Variants in GPT2 observed in about 807,000 individuals in gnomAD.
The protein encoded by GPT2 is alanine aminotransferase 2.
GPT2 carries 30 observed loss-of-function variants against 56.9 expected under a neutral mutation model. The ratio of observed to expected loss-of-function variants is 0.53; its 90% CI spans 0.39 to 0.72. The LOEUF (loss-of-function observed/expected upper bound fraction) is 0.72. Among genes scored for constraint, GPT2 ranks in the 30% least tolerant of loss-of-function variants. GPT2 has a pLI of 0.00. For missense variants in GPT2, 542 were observed against 703.4 expected (o/e 0.77, Z 2.60); for synonymous variants, 271 against 283.1 (o/e 0.96, Z 0.43).
rs114467444 is a variant in GPT2, at chr16:46,900,777, C to T, written c.429C>T (p.Gly143=). ...KRARRILQAC[G]GNSLGSYSAS... is the part of the protein sequence containing the mutation. ...CCCGGCGGATCCTGCAGGCTTGTGGCGGGAACAGCCTGGGTGAGGCCCCAA... is the reference window on the plus strand; with the variant it reads ...CCCGGCGGATCCTGCAGGCTTGTGGTGGGAACAGCCTGGGTGAGGCCCCAA... Residue 143 remains glycine (G), a synonymous_variant, in exon 4 of 12, where the codon GGC becomes GGT. Coordinates refer to ENST00000340124, the MANE Select transcript of GPT2 (RefSeq NM_133443.4). 20,082 of 1,613,788 alleles carry T rather than the reference C, an allele frequency of 0.012. 157 individuals are homozygous for T. Among genetic ancestry groups the T allele is most frequent in the Non-Finnish European group, 0.014 (16,913 of 1,179,740 alleles).
chr16:46,904,826 G>T (rs919298942), intron 4 of GPT2, among the ~76,000 whole-genome samples: 1 of 152,164 alleles, frequency 6.6e-6, no homozygotes, highest in Non-Finnish European at 1.5e-5. Flanking sequence ...TTGGGGGAGG[G>T]CTCTAACACC....
intron 11 of GPT2, among the ~76,000 whole-genome samples, chr16:46,927,651 G>A (rs1961445258): frequency 3.9e-5 from 6 of 152,200 alleles, no homozygotes; most frequent in Admixed American, 3.9e-4. Context: ...TCCTGCGGCA[G>A]ATGCTAAAAA....
At chr16:46,903,231 G>A (rs1960855570) in intron 4 of GPT2, among the ~76,000 whole-genome samples, 1 of 151,872 alleles carries the variant, frequency 6.6e-6, no homozygotes, top group African/African-American at 2.4e-5. Flanking sequence ...CCTGGGTGAT[G>A]AGAGTGAAAC....
At chr16:46,922,776 C>G (rs1401046532) in intron 9 of GPT2, among the ~76,000 whole-genome samples, 1 of 152,092 alleles carries the variant, frequency 6.6e-6, no homozygotes, top group Non-Finnish European at 1.5e-5. Context: ...CCCAGGCCCC[C>G]ACCCGCCTCT....
chr16:46,898,939 T>TCC (rs1481677659), intron 3 of GPT2, among the ~76,000 whole-genome samples: 55 of 90,866 alleles, frequency 6.1e-4, no homozygotes, highest in Admixed American at 5.6e-3. Flanking sequence ...TGTATATATA[T>TCC]ACACACACAT....
At chr16:46,885,825 G>A (rs1320718277) in intron 2 of GPT2, among the ~76,000 whole-genome samples, 1 of 152,028 alleles carries the variant, frequency 6.6e-6, no homozygotes, top group African/African-American at 2.4e-5. Context: ...AGCCAGGAGG[G>A]GTTATCTTAA....
chr16:46,902,140 A>G (rs1281705314), intron 4 of GPT2, among the ~76,000 whole-genome samples: 1 of 152,156 alleles, frequency 6.6e-6, no homozygotes, highest in Non-Finnish European at 1.5e-5. Context: ...CCTCATCAAC[A>G]GGTTTTTGCA....
chr16:46,898,987 T>TAACAC (rs1460301842), intron 3 of GPT2, among the ~76,000 whole-genome samples: 4 of 133,380 alleles, frequency 3.0e-5, no homozygotes, highest in African/African-American at 1.1e-4. Flanking sequence ...TATATATATA[T>TAACAC]ATATAACACA....
At chr16:46,911,714 G>A (rs1013314142) in intron 6 of GPT2, among the ~76,000 whole-genome samples, 4 of 152,140 alleles carry the variant, frequency 2.6e-5, no homozygotes, top group Admixed American at 6.5e-5. Context: ...TAATTGGGCC[G>A]GGGTATGGTT....
At chr16:46,889,585 C>A (rs913158444) in intron 2 of GPT2, among the ~76,000 whole-genome samples, 1 of 152,158 alleles carries the variant, frequency 6.6e-6, no homozygotes, top group African/African-American at 2.4e-5. Flanking sequence ...GTAGTGCAGG[C>A]TTCCAATAGG....
intron 6 of GPT2, chr16:46,915,758 A>C (rs1251023192): frequency 6.8e-6 from 1 of 146,404 alleles, no homozygotes; most frequent in Non-Finnish European, 1.5e-5. Context: ...AGACTCACAC[A>C]CACACCACAT....
chr16:46,890,911 T>C (rs1960572691), intron 2 of GPT2, among the ~76,000 whole-genome samples: 1 of 152,318 alleles, frequency 6.6e-6, no homozygotes, highest in African/African-American at 2.4e-5. Context: ...TTCGCTCTTG[T>C]TGCCCAGGCT....
intron 6 of GPT2, among the ~76,000 whole-genome samples, chr16:46,914,843 C>T (rs1961111061): frequency 6.6e-6 from 1 of 152,156 alleles, no homozygotes; most frequent in South Asian, 2.1e-4. Context: ...GTCTCTTCAC[C>T]ATCTGCTGCT....
At chr16:46,900,550 G>A in intron 3 of GPT2, 132 bp from the exon 4 acceptor site, 1 of 652,624 alleles carries the variant, frequency 1.5e-6, no homozygotes, top group Non-Finnish European at 2.7e-6. Context: ...GCTCCCACAG[G>A]CTGAGTCCTC....
intron 9 of GPT2, among the ~76,000 whole-genome samples, chr16:46,923,443 GC>G (rs34267717): frequency 0.025 from 3,771 of 152,322 alleles, 68 homozygotes; most frequent in Non-Finnish European, 0.038. Flanking sequence ...GGATGACAGA[GC>G]AAGACTCCGT....
intron 1 of GPT2, 104 bp downstream of exon 1, chr16:46,884,571 C>A (rs1960442724): frequency 9.6e-7 from 1 of 1,046,630 alleles, no homozygotes; most frequent in African/African-American, 1.6e-5. Flanking sequence ...GGGGGATGGG[C>A]ACCAGCGCCG....
rs764728549 is a variant in GPT2, at chr16:46,918,719, C to T, written c.999C>T (p.Leu333=). ...MGPEYSSNVE[L]ASFHSTSKGY... is the part of the protein sequence containing the mutation. ...CCGAGTACTCCAGCAACGTGGAGCT[C>T]GCCTCCTTCCACTCCACCTCCAAGG... The change falls in exon 8 of 12, where the codon CTC becomes CTT. Residue 333 remains leucine, a synonymous_variant. Transcript: ENST00000340124. The T allele has an allele frequency of 3.4e-5, 55 of 1,614,068 alleles. No homozygotes were observed. Among genetic ancestry groups the T allele is most frequent in the South Asian group, 2.0e-4 (18 of 91,086 alleles).
In GPT2 at chr16:46,898,966, ACACAC is replaced by A. The variant is rs1347636965; in HGVS notation, c.333+1230_333+1234del. On this transcript the variant is annotated intron_variant, in intron 3 of 11. Coordinates refer to ENST00000340124, the MANE Select transcript of GPT2 (RefSeq NM_133443.4). ...CACACACATATATGTGTATATATAT[ACACAC>A]ACACATATATATATATATATAACAC... 6.0e-3 allele frequency among the ~76,000 whole-genome samples: 71 copies of A among 11,902 alleles called. 2 individuals carry two copies. The highest frequency in any genetic ancestry group is 0.013 in the African/African-American group (66 of 5,006). The allele number at this position is 11,902 out of a possible 152,430, so 7.8% of individuals were successfully genotyped here. A position where few individuals can be genotyped will look rare whatever the true frequency, so the allele number is the denominator to read the frequency against.
At chr16:46,902,686 C>T (rs1023410134) in intron 4 of GPT2, among the ~76,000 whole-genome samples, 5 of 152,102 alleles carry the variant, frequency 3.3e-5, no homozygotes, top group Non-Finnish European at 5.9e-5. Context: ...AGTGCGGTGG[C>T]ACGATCTTGG....
Sources: allele counts gnomAD v4.1 joint callset (sites outside exome capture counted in the v4.1 genomes callset), GRCh38; gene constraint gnomAD v4.1.1; transcripts MANE v1.5; gene names NCBI Gene and HGNC (gene_info 2026-07-23, HGNC 2026-07-21).